Variants in MAPK10 observed in about 807,000 individuals in gnomAD.
MAPK10 encodes the protein mitogen-activated protein kinase 10.
Under a neutral mutation model 59.3 loss-of-function variants are expected in MAPK10, and 25 were observed. That is an observed-to-expected ratio of 0.42 (90% CI 0.31 to 0.59). The LOEUF is 0.59. Ranked by LOEUF, MAPK10 falls within the 20% of genes least tolerant of loss-of-function variation. MAPK10 has a pLI of 0.15. For missense variants in MAPK10, 351 were observed against 568.9 expected (o/e 0.62, Z 3.90); for synonymous variants, 190 against 200.5 (o/e 0.95, Z 0.44).
intron 2 of MAPK10, among the ~76,000 whole-genome samples, chr4:86,237,751 C>T (rs557340562): frequency 3.3e-5 from 5 of 152,036 alleles, no homozygotes; most frequent in South Asian, 2.1e-4. Flanking sequence ...ATTAGACCTT[C>T]GTCAGATGGG....
At position 86,488,276 on chromosome 4, in the gene MAPK10, C is replaced by T. The variant is rs570946197; in HGVS notation, c.-263+105634G>A. Among the ~76,000 whole-genome samples the T allele has an allele frequency of 9.2e-5, 14 of 152,282 alleles. No homozygotes were observed. The South Asian group carries it at 2.9e-3, about 32-fold the overall frequency. On this transcript the variant is annotated intron_variant, in intron 1 of 4. Coordinates refer to the MAPK10 transcript ENST00000502302. Reference sequence around the variant, plus strand: ...ACATTATCCTTTTATTCTCTCGACACAGCTGATGAAAAAGAACCTATTGTA... The same window carrying T: ...ACATTATCCTTTTATTCTCTCGACATAGCTGATGAAAAAGAACCTATTGTA...
intron 1 of MAPK10, among the ~76,000 whole-genome samples, chr4:86,477,127 A>G (rs1377359502): frequency 6.6e-6 from 1 of 152,154 alleles, no homozygotes; most frequent in Non-Finnish European, 1.5e-5. Context: ...TAACTCTCAC[A>G]GTGGAGGGTA....
At position 86,322,945 on chromosome 4, in the gene MAPK10, C is replaced by T. The variant is rs190067258; in HGVS notation, c.-7+31585G>A. Among the ~76,000 whole-genome samples the T allele has an allele frequency of 3.8e-4, 58 of 152,296 alleles. 1 individual carries two copies. Among genetic ancestry groups the T allele is most frequent in the African/African-American group, 1.3e-3 (55 of 41,574 alleles). Reference sequence around the variant, plus strand: ...ATCCCAGGACTTTGGGAGGCCAAGGCGGGAGGATCACCTGAGGTCAGGAGT... The same window carrying T: ...ATCCCAGGACTTTGGGAGGCCAAGGTGGGAGGATCACCTGAGGTCAGGAGT... On this transcript the variant is annotated intron_variant, in intron 2 of 13. Transcript: ENST00000641462.
In MAPK10 at chr4:86,252,086, G is replaced by A. The variant is rs1363298442; in HGVS notation, c.-6-57679C>T. Among the ~76,000 whole-genome samples the A allele has an allele frequency of 9.1e-5, 11 of 120,604 alleles. 3 individuals carry two copies. Among genetic ancestry groups the A allele is most frequent in the African/African-American group, 1.5e-4 (3 of 19,956 alleles). 79.1% of individuals were successfully genotyped at this position (120,604 alleles called of 152,430 possible). A position where few individuals can be genotyped will look rare whatever the true frequency, so the allele number is the denominator to read the frequency against. On this transcript the variant is annotated intron_variant, in intron 2 of 13. Transcript: ENST00000641462. ...TCTGGATATTAGCCCTTTGTCAGATGAGTAGGTTGCGAAAATTTTCTCCCA... is the reference window on the plus strand; with the variant it reads ...TCTGGATATTAGCCCTTTGTCAGATAAGTAGGTTGCGAAAATTTTCTCCCA...
chr4:86,362,345 CT>C (rs1163525814), upstream of MAPK10, among the ~76,000 whole-genome samples: 6 of 151,446 alleles, frequency 4.0e-5, no homozygotes, highest in Non-Finnish European at 7.4e-5. Flanking sequence ...TATAATATAA[CT>C]TTTTTTAAAG....
chr4:86,531,885 A>T (rs1757877352), intron 1 of MAPK10, among the ~76,000 whole-genome samples: 1 of 152,058 alleles, frequency 6.6e-6, no homozygotes, highest in Non-Finnish European at 1.5e-5. Flanking sequence ...CCATTGTCTT[A>T]GACAAGAAGC....
At chr4:86,358,473 C>T in intron 1 of MAPK10, 1 of 617,688 alleles carries the variant, frequency 1.6e-6, no homozygotes, top group Non-Finnish European at 2.0e-6. Context: ...TGGCCAGAAG[C>T]AGGCAGGGCT....
At chr4:86,345,215 A>C (rs1424914743) in intron 2 of MAPK10, among the ~76,000 whole-genome samples, 1 of 152,124 alleles carries the variant, frequency 6.6e-6, no homozygotes, top group Non-Finnish European at 1.5e-5. Context: ...TTGCATCCTC[A>C]TGGAGTCCTT....
intron 4 of MAPK10, among the ~76,000 whole-genome samples, chr4:86,137,027 T>G (rs1219095783): frequency 1.3e-5 from 2 of 151,676 alleles, no homozygotes; most frequent in African/African-American, 4.9e-5. Flanking sequence ...GCACCCAGAT[T>G]CATAAAGCAA....
At chr4:86,148,031 T>C (rs1231762221) in intron 4 of MAPK10, among the ~76,000 whole-genome samples, 1 of 152,226 alleles carries the variant, frequency 6.6e-6, no homozygotes, top group Non-Finnish European at 1.5e-5. Flanking sequence ...GTTAACATTA[T>C]GCAACAGGCA....
intron 4 of MAPK10, 183 bp from the exon 5 acceptor site, chr4:86,107,535 T>C: frequency 1.6e-6 from 2 of 1,229,454 alleles, no homozygotes; most frequent in African/African-American, 1.6e-5. Flanking sequence ...ATATTCTACA[T>C]GCTAGGAGGA....
chr4:86,474,938 C>T (rs937643107), intron 1 of MAPK10, among the ~76,000 whole-genome samples: 1 of 152,158 alleles, frequency 6.6e-6, no homozygotes, highest in Non-Finnish European at 1.5e-5. Flanking sequence ...AATGGCCGGT[C>T]CTTGCCTTAA....
intron 1 of MAPK10, among the ~76,000 whole-genome samples, chr4:86,423,943 G>C (rs1746918378): frequency 6.6e-6 from 1 of 151,660 alleles, no homozygotes; most frequent in Non-Finnish European, 1.5e-5. Flanking sequence ...TAGAGTAAAG[G>C]TAAAGATTTG....
At chr4:86,023,741 A>G (rs1231466215) in intron 13 of MAPK10, among the ~76,000 whole-genome samples, 1 of 146,626 alleles carries the variant, frequency 6.8e-6, no homozygotes, top group Non-Finnish European at 1.5e-5. Context: ...TAGAAATACA[A>G]TTATACTGAG....
chr4:86,194,378 G>C lies in MAPK10; in HGVS notation c.24C>G (p.Tyr8Ter). Reference protein sequence around the residue: MSLHFLYYCSEPTLDVKI... With the variant: MSLHFLY ...TCACATCCAATGTTGGTTCACTGCA[G>C]TAGTATAAGAAATGGAGGCTCATAA... The change falls in exon 3 of 14, where the codon TAC becomes TAG. Residue 8 changes from tyrosine (Y) to a stop codon, truncating the protein, a stop_gained. Coordinates refer to ENST00000641462, the MANE Select transcript of MAPK10 (RefSeq NM_138982.4). LOFTEE classifies it high-confidence loss of function. 6.2e-7 allele frequency: 1 copy of C among 1,612,060 alleles called. No individual in the cohort carries two copies. Among genetic ancestry groups the C allele is most frequent in the South Asian group, 1.1e-5 (1 of 91,038 alleles).
chr4:86,443,034 C>A (rs1174717767), intron 1 of MAPK10, among the ~76,000 whole-genome samples: 1 of 152,092 alleles, frequency 6.6e-6, no homozygotes, highest in Non-Finnish European at 1.5e-5. Context: ...ACACTGAGAA[C>A]CACAACTTCC....
chr4:86,135,628 G>T (rs549348185), intron 4 of MAPK10, among the ~76,000 whole-genome samples: 1 of 152,120 alleles, frequency 6.6e-6, no homozygotes, highest in Admixed American at 6.5e-5. Context: ...AAAGCAGAGC[G>T]CCTCTCCTCC....
chr4:86,036,948 A>G (rs2040429498), intron 11 of MAPK10, among the ~76,000 whole-genome samples: 1 of 152,194 alleles, frequency 6.6e-6, no homozygotes, highest in Admixed American at 6.5e-5. Flanking sequence ...ACTGAATTGC[A>G]ATGTTTTTCT....
chr4:86,081,188 T>TA (rs1185743488), intron 9 of MAPK10: 1 of 151,956 alleles, frequency 6.6e-6, no homozygotes, highest in Non-Finnish European at 1.5e-5. Flanking sequence ...AGTTAGTCAA[T>TA]AAATGAAACT....
Sources: allele counts gnomAD v4.1 joint callset (sites outside exome capture counted in the v4.1 genomes callset), GRCh38; gene constraint gnomAD v4.1.1; transcripts MANE v1.5; gene names NCBI Gene and HGNC (gene_info 2026-07-23, HGNC 2026-07-21).